Variants in CSNK1G2 observed in about 807,000 individuals in gnomAD.
CSNK1G2 encodes the protein casein kinase I isoform gamma-2.
Under a neutral mutation model 48.0 loss-of-function variants are expected in CSNK1G2, and 11 were observed. The observed-to-expected ratio is 0.23, with a 90% confidence interval of 0.14 to 0.38. The LOEUF is 0.38. CSNK1G2 is among the 10% of genes least tolerant of loss of function. The pLI, the probability that CSNK1G2 is intolerant of heterozygous loss-of-function variation, is 1.00. For synonymous variants in CSNK1G2, 337 were observed against 254.1 expected, an observed-to-expected ratio of 1.33 and a Z score of -3.10; for missense variants, 446 against 595.5, an observed-to-expected ratio of 0.75 and a Z score of 2.61.
intron 2 of CSNK1G2, among the ~76,000 whole-genome samples, chr19:1,970,249 T>C (rs1222274781): frequency 2.6e-5 from 4 of 152,212 alleles, no homozygotes; most frequent in African/African-American, 9.6e-5. Flanking sequence ...AGGAGCCCGA[T>C]GTTAAGTTGT....
chr19:1,956,869 C>T (rs2015017800), intron 1 of CSNK1G2, among the ~76,000 whole-genome samples: 1 of 152,214 alleles, frequency 6.6e-6, no homozygotes, highest in African/African-American at 2.4e-5. Context: ...ATTTAGGGCT[C>T]AGCCTCGATG....
intron 2 of CSNK1G2, among the ~76,000 whole-genome samples, chr19:1,976,769 C>G (rs2145591305): frequency 6.7e-6 from 1 of 149,212 alleles, no homozygotes; most frequent in Non-Finnish European, 1.5e-5. Context: ...GACAGAGTTT[C>G]TCTCTTGTTG....
At chr19:1,943,299 A>G (rs1036800762) in intron 1 of CSNK1G2, among the ~76,000 whole-genome samples, 3 of 152,092 alleles carry the variant, frequency 2.0e-5, no homozygotes, top group African/African-American at 7.2e-5. Context: ...GAACCTGTCT[A>G]GTTCCTCTGA....
chr19:1,973,191 T>C (rs188775073), intron 2 of CSNK1G2, among the ~76,000 whole-genome samples: 1 of 150,856 alleles, frequency 6.6e-6, no homozygotes, highest in Non-Finnish European at 1.5e-5. Context: ...CCTCCCAAAG[T>C]GCTGGGATTA....
rs747553413 is a variant in CSNK1G2 at position 1,978,525 on chromosome 19, C to T, written c.298+14C>T. On this transcript the variant is annotated intron_variant, in intron 4 of 11. Coordinates refer to ENST00000255641, the MANE Select transcript of CSNK1G2 (RefSeq NM_001319.7). The surrounding 1 kb of genome is among the most constrained non-coding windows in gnomAD (Gnocchi z 7.3). ...TCAGCGCCACAGGTACCGGGCGGCC[C>T]GCGGGTGGGGCGGGGGCTGCGCAGG... is the stretch of plus-strand genomic sequence containing the variant. 10 of 1,573,486 alleles carry T rather than the reference C, an allele frequency of 6.4e-6. No homozygotes were observed. The highest frequency in any genetic ancestry group is 1.9e-5 in the Admixed American group (1 of 53,720).
chr19:1,946,633 G>A (rs1438619410), intron 1 of CSNK1G2, among the ~76,000 whole-genome samples: 1 of 147,604 alleles, frequency 6.8e-6, no homozygotes, highest in Non-Finnish European at 1.5e-5. Context: ...TTTTCTTTGA[G>A]ATGGAGTCTC....
In CSNK1G2 at chr19:1,969,992, G is replaced by A. The variant is rs745846747; in HGVS notation, c.187+33G>A. 6 of 1,296,106 alleles carry A rather than the reference G, an allele frequency of 4.6e-6. No individual in the cohort carries two copies. In the East Asian group the frequency reaches 1.7e-4, roughly 36 times the overall value. 80.3% of individuals were successfully genotyped at this position (1,296,106 alleles called of 1,614,324 possible). A position where few individuals can be genotyped will look rare whatever the true frequency, so the allele number is the denominator to read the frequency against. ...CCTGCTCGGTGGTAGGTGGGGTCGG[G>A]AGGCTGCTGGCAGGGCCGCCCCGAG... On this transcript the variant is annotated intron_variant, in intron 2 of 11. Transcript: ENST00000255641.
intron 2 of CSNK1G2, among the ~76,000 whole-genome samples, chr19:1,970,488 T>C (rs995850607): frequency 6.6e-6 from 1 of 152,106 alleles, no homozygotes; most frequent in African/African-American, 2.4e-5. Flanking sequence ...CACCAACCTC[T>C]CCCGGGTCGG....
chr19:1,979,132 C>A (rs1262053243), intron 6 of CSNK1G2, 31 bp from the exon 7 acceptor site: 6 of 1,558,432 alleles, frequency 3.9e-6, no homozygotes, highest in Non-Finnish European at 5.2e-6. Context: ...GGCGCCCGGA[C>A]CCCGCTGAGG....
intron 2 of CSNK1G2, among the ~76,000 whole-genome samples, chr19:1,971,680 G>A (rs1013797001): frequency 2.6e-5 from 4 of 152,084 alleles, no homozygotes; most frequent in Non-Finnish European, 5.9e-5. Context: ...AGATGGCTAT[G>A]TGGGTCCTGT....
At chr19:1,953,729 C>A (rs372561910) in intron 1 of CSNK1G2, 1 of 400,010 alleles carries the variant, frequency 2.5e-6, no homozygotes, top group African/African-American at 2.1e-5. Flanking sequence ...CCCACATCCC[C>A]CCAACAGGGT....
At chr19:1,958,306 G>C (rs1052706422) in intron 1 of CSNK1G2, among the ~76,000 whole-genome samples, 2 of 152,050 alleles carry the variant, frequency 1.3e-5, no homozygotes, top group African/African-American at 4.8e-5. Flanking sequence ...GAGTGTGTAT[G>C]TTAGGGGAAC....
Position 1,980,271 on chromosome 19 carries a change from C to A in CSNK1G2, c.*68C>A, listed in dbSNP as rs775341893. 1.9e-6 allele frequency: 3 copies of A among 1,581,322 alleles called. No individual in the cohort carries two copies. Among genetic ancestry groups the A allele is most frequent in the East Asian group, 2.2e-5 (1 of 44,634 alleles). ...CTTGGGGCGCGACCTTGTGCGAGGC[C>A]CTCGGGGCCCACCCACAGCGGCCCA... On this transcript the variant is annotated 3_prime_UTR_variant, in exon 12 of 12. Coordinates refer to ENST00000255641, the MANE Select transcript of CSNK1G2 (RefSeq NM_001319.7).
In CSNK1G2 at chr19:1,979,610, C is replaced by T. The variant is rs754773789; in HGVS notation, c.969C>T (p.Phe323=). Residue 323 remains phenylalanine (F), a synonymous_variant, in exon 9 of 12, where the codon TTC becomes TTT. Coordinates refer to ENST00000255641, the MANE Select transcript of CSNK1G2 (RefSeq NM_001319.7). ...TCTTCGACCGCAGTGGCTTCGTGTTCGACTATGAGTACGACTGGGCCGGGA... is the reference window on the plus strand; with the variant it reads ...TCTTCGACCGCAGTGGCTTCGTGTTTGACTATGAGTACGACTGGGCCGGGA... The part of the protein sequence containing the change: ...TDLFDRSGFV[F]DYEYDWAGKP... The T allele has an allele frequency of 1.4e-5, 22 of 1,605,976 alleles. No individual in the cohort carries two copies. The highest frequency in any genetic ancestry group is 1.3e-4 in the South Asian group (12 of 91,084).
intron 2 of CSNK1G2, among the ~76,000 whole-genome samples, chr19:1,976,525 C>T (rs1321288367): frequency 2.0e-5 from 3 of 152,222 alleles, no homozygotes; most frequent in South Asian, 2.1e-4. Flanking sequence ...CTGCAAGGCA[C>T]GCCCAGGACG....
intron 1 of CSNK1G2, 121 bp downstream of exon 1, chr19:1,941,539 C>G (rs1415109536): frequency 6.9e-6 from 1 of 144,470 alleles, no homozygotes; most frequent in Non-Finnish European, 1.5e-5. Context: ...TGCGCCCTGC[C>G]GACCCCGTGC....
chr19:1,944,226 A>G (rs2014470665), intron 1 of CSNK1G2, among the ~76,000 whole-genome samples: 1 of 152,006 alleles, frequency 6.6e-6, no homozygotes, highest in Admixed American at 6.5e-5. Flanking sequence ...GCAGATCTGC[A>G]AATGCTCCGC....
At chr19:1,962,070 C>T (rs571291555) in intron 1 of CSNK1G2, among the ~76,000 whole-genome samples, 2 of 152,360 alleles carry the variant, frequency 1.3e-5, no homozygotes, top group African/African-American at 4.8e-5. Context: ...TGGCTCACGC[C>T]TGTAATCCCA....
intron 1 of CSNK1G2, among the ~76,000 whole-genome samples, chr19:1,947,663 C>T (rs10403110): frequency 0.12 from 18,992 of 152,240 alleles, 1,455 homozygotes; most frequent in East Asian, 0.22. Flanking sequence ...CAGCTGGGCC[C>T]TGGCCACGTG....
Sources: gnomAD v4.1 joint callset for allele counts (sites outside exome capture counted in the v4.1 genomes callset) on GRCh38, gnomAD v4.1.1 for gene constraint, Gnocchi (gnomAD v3.1) non-coding constraint, MANE v1.5 for transcripts, NCBI Gene and HGNC (gene_info 2026-07-23, HGNC 2026-07-21) for gene names.